SLC24A2: variants seen among roughly 807,000 people sequenced by gnomAD.
SLC24A2 encodes solute carrier family 24 member 2, also known as sodium/potassium/calcium exchanger 2.
A neutral mutation model predicts 62.0 loss-of-function variants in SLC24A2; 36 were observed. That is an observed-to-expected ratio of 0.58 (90% CI 0.44 to 0.77). The LOEUF (loss-of-function observed/expected upper bound fraction) is 0.77. SLC24A2 is among the 30% of genes least tolerant of loss of function. The pLI is 0.00. For synonymous variants in SLC24A2, 358 were observed against 294.0 expected (o/e 1.22, Z -2.23); for missense variants, 846 against 817.9 (o/e 1.03, Z -0.42).
the SLC24A2 span, among the ~76,000 whole-genome samples, chr9:20,232,315 A>G: frequency 6.6e-6 from 1 of 152,216 alleles, no homozygotes; most frequent in Non-Finnish European, 1.5e-5. Flanking sequence ...GAATGATACC[A>G]GCTCCTCTTT....
At chr9:19,969,629 T>G in the SLC24A2 span, among the ~76,000 whole-genome samples, 1 of 152,116 alleles carries the variant, frequency 6.6e-6, no homozygotes, top group African/African-American at 2.4e-5. Context: ...GCAATGCCTG[T>G]GAGGATTGAG....
chr9:19,945,449 ATGCATTT>A, the SLC24A2 span, among the ~76,000 whole-genome samples: 2 of 152,188 alleles, frequency 1.3e-5, no homozygotes, highest in South Asian at 4.1e-4. Context: ...TAATGCCCCA[ATGCATTT>A]TGCATTTATC....
At chr9:20,210,841 T>C in the SLC24A2 span, among the ~76,000 whole-genome samples, 1 of 151,072 alleles carries the variant, frequency 6.6e-6, no homozygotes, top group African/African-American at 2.4e-5. Flanking sequence ...TGCCAAGGGA[T>C]GGGGCTTGTA....
intron 2 of SLC24A2, among the ~76,000 whole-genome samples, chr9:19,652,450 C>A (rs1017215823): frequency 6.6e-6 from 1 of 151,780 alleles, no homozygotes; most frequent in South Asian, 2.1e-4. Flanking sequence ...AAGAGGGAGG[C>A]AATGGAGTTA....
At chr9:20,273,452 T>G in the SLC24A2 span, among the ~76,000 whole-genome samples, 1 of 152,194 alleles carries the variant, frequency 6.6e-6, no homozygotes. Context: ...TTATTCCTAC[T>G]TTTATGGGAG....
chr9:19,670,058 C>T (rs979929826), intron 2 of SLC24A2, among the ~76,000 whole-genome samples: 1 of 152,150 alleles, frequency 6.6e-6, no homozygotes, highest in Admixed American at 6.5e-5. Flanking sequence ...GAAATATATA[C>T]CCCAGTAAAA....
the SLC24A2 span, among the ~76,000 whole-genome samples, chr9:20,229,803 T>C: frequency 3.9e-5 from 6 of 152,168 alleles, no homozygotes; most frequent in African/African-American, 1.2e-4. Context: ...TACATACGTG[T>C]ACATGTGTCA....
At chr9:20,068,868 G>T in the SLC24A2 span, among the ~76,000 whole-genome samples, 1 of 151,918 alleles carries the variant, frequency 6.6e-6, no homozygotes, top group East Asian at 1.9e-4. Flanking sequence ...CATTTTTCTG[G>T]TTTCAATTTT....
chr9:20,064,193 T>C, the SLC24A2 span, among the ~76,000 whole-genome samples: 175 of 152,140 alleles, frequency 1.2e-3, 2 homozygotes, highest in African/African-American at 4.1e-3. Context: ...CTCAAAAATA[T>C]GGTAAACGAA....
At chr9:19,593,940 GA>G (rs1836630594) in intron 5 of SLC24A2, among the ~76,000 whole-genome samples, 1 of 152,006 alleles carries the variant, frequency 6.6e-6, no homozygotes, top group East Asian at 1.9e-4. Context: ...AGATGATATA[GA>G]ATATATATAA....
At chr9:19,794,434 A>G in the SLC24A2 span, among the ~76,000 whole-genome samples, 1 of 151,940 alleles carries the variant, frequency 6.6e-6, no homozygotes, top group East Asian at 1.9e-4. Flanking sequence ...GGGAACAATA[A>G]ACATGGAGGC....
the SLC24A2 span, among the ~76,000 whole-genome samples, chr9:19,986,349 TG>T: frequency 6.6e-6 from 1 of 152,132 alleles, no homozygotes; most frequent in African/African-American, 2.4e-5. Context: ...AATAATATAT[TG>T]TTTGGTTGCT....
At chr9:19,517,241 C>A (rs1238405980) in intron 10 of SLC24A2, among the ~76,000 whole-genome samples, 1 of 152,116 alleles carries the variant, frequency 6.6e-6, no homozygotes, top group East Asian at 1.9e-4. Flanking sequence ...GGAACATGGG[C>A]ATTTCCAAGT....
the SLC24A2 span, among the ~76,000 whole-genome samples, chr9:20,116,460 A>G: frequency 5.3e-5 from 8 of 152,170 alleles, no homozygotes; most frequent in Non-Finnish European, 7.4e-5. Context: ...AATTCATCAC[A>G]TCATCCATCA....
At chr9:19,790,858 A>G (rs1196468334), upstream of SLC24A2, among the ~76,000 whole-genome samples, 1 of 152,122 alleles carries the variant, frequency 6.6e-6, no homozygotes, top group Non-Finnish European at 1.5e-5. Flanking sequence ...GAATATCACA[A>G]TGTCTAGAAG....
chr9:20,148,162 G>C, the SLC24A2 span, among the ~76,000 whole-genome samples: 1 of 151,820 alleles, frequency 6.6e-6, no homozygotes, highest in African/African-American at 2.4e-5. Context: ...TTTTTACATC[G>C]ATTTGAAAGG....
At chr9:20,097,435 A>G in the SLC24A2 span, among the ~76,000 whole-genome samples, 18,497 of 152,140 alleles carry the variant, frequency 0.12, 1,231 homozygotes, top group Middle Eastern at 0.17. Context: ...TCTTTCTTCT[A>G]TATCTTTAAA....
chr9:19,612,083 C>A (rs543902531), intron 4 of SLC24A2, among the ~76,000 whole-genome samples: 6 of 152,248 alleles, frequency 3.9e-5, no homozygotes, highest in African/African-American at 1.4e-4. Context: ...ATAACAGATT[C>A]TCTCTCATGG....
chr9:20,085,995 G>C, the SLC24A2 span, among the ~76,000 whole-genome samples: 1 of 152,072 alleles, frequency 6.6e-6, no homozygotes, highest in Admixed American at 6.5e-5. Context: ...TTTCTGCCCA[G>C]AAAGATCCAT....
Sources: gnomAD v4.1 joint callset for allele counts (sites outside exome capture counted in the v4.1 genomes callset) on GRCh38, gnomAD v4.1.1 for gene constraint, MANE v1.5 for transcripts, NCBI Gene and HGNC (gene_info 2026-07-23, HGNC 2026-07-21) for gene names.